The following AUTS2 variants were observed in gnomAD, a reference collection of about 807,000 sequenced individuals.
AUTS2 encodes the protein autism susceptibility gene 2 protein.
In AUTS2, 17 loss-of-function variants were observed where a neutral mutation model predicts 112.4. The observed-to-expected ratio is 0.15, with a 90% confidence interval of 0.10 to 0.23. The LOEUF (loss-of-function observed/expected upper bound fraction) is 0.23. Ranked by LOEUF, AUTS2 falls within the 10% of genes least tolerant of loss-of-function variation. The probability of loss-of-function intolerance (pLI) is 1.00; values close to 1 mark genes in which losing one functional copy is unlikely to be tolerated. For synonymous variants in AUTS2, 751 were observed against 702.7 expected, an observed-to-expected ratio of 1.07 and a Z score of -1.09; for missense variants, 1,510 against 1,701.6, an observed-to-expected ratio of 0.89 and a Z score of 1.98.
chr7:69,689,341 TA>T, intron 1 of AUTS2, among the ~76,000 whole-genome samples: 4 of 144,786 alleles, frequency 2.8e-5, no homozygotes, highest in South Asian at 2.2e-4. Context: ...ATTAATTAAT[TA>T]ATTTTTTTTT....
chr7:70,254,932 T>C (rs923561474), intron 4 of AUTS2, among the ~76,000 whole-genome samples: 19 of 152,138 alleles, frequency 1.2e-4, no homozygotes, highest in African/African-American at 4.3e-4. Flanking sequence ...TCTTGACCCT[T>C]TCCCTTCTAA....
chr7:69,658,345 A>G (rs1173134184), intron 1 of AUTS2, among the ~76,000 whole-genome samples: 2 of 152,230 alleles, frequency 1.3e-5, no homozygotes, highest in Non-Finnish European at 2.9e-5. Context: ...GAGTTTACAA[A>G]TAGAGTTATT....
chr7:69,687,853 T>C (rs1328715765), intron 1 of AUTS2, among the ~76,000 whole-genome samples: 1 of 152,212 alleles, frequency 6.6e-6, no homozygotes, highest in Non-Finnish European at 1.5e-5. Flanking sequence ...TTTGCTTTGC[T>C]TTTCCTATCA....
At chr7:69,876,389 TATA>T (rs1793780435) in intron 1 of AUTS2, among the ~76,000 whole-genome samples, 1 of 117,994 alleles carries the variant, frequency 8.5e-6, no homozygotes, top group African/African-American at 3.2e-5. Context: ...TATATGTATA[TATA>T]ATATGTATTA....
chr7:70,022,584 G>A (rs142521575), intron 2 of AUTS2, among the ~76,000 whole-genome samples: 2,377 of 152,270 alleles, frequency 0.016, 24 homozygotes, highest in Non-Finnish European at 0.027. Context: ...GCCTTCCAGA[G>A]TGCAGGGATT....
chr7:70,297,561 C>T (rs767318879), intron 4 of AUTS2, among the ~76,000 whole-genome samples: 8 of 151,884 alleles, frequency 5.3e-5, no homozygotes, highest in African/African-American at 1.7e-4. Flanking sequence ...TCCCAAGTAG[C>T]TGGGACTACA....
intron 2 of AUTS2, among the ~76,000 whole-genome samples, chr7:70,006,620 A>G (rs1314185359): frequency 1.3e-5 from 2 of 152,112 alleles, no homozygotes; most frequent in Non-Finnish European, 2.9e-5. Context: ...CCACAGACAG[A>G]TGGTAAAAGA....
At position 70,766,256 on chromosome 7, in the gene AUTS2, C is replaced by T. The variant is rs1383001370; in HGVS notation, c.1611C>T (p.His537=). 1 of 1,614,118 alleles carries T rather than the reference C, an allele frequency of 6.2e-7. No individual in the cohort carries two copies. Among genetic ancestry groups the T allele is most frequent in the Non-Finnish European group, 8.5e-7 (1 of 1,180,014 alleles). ...HQHQHQHTHQ[H]THQHTFTPFP... Reference sequence around the variant, plus strand: ...ACCAGCACCAGCACACCCACCAGCACACGCACCAGCACACCTTCACGCCGT... The same window carrying T: ...ACCAGCACCAGCACACCCACCAGCATACGCACCAGCACACCTTCACGCCGT... The change falls in exon 9 of 19, where the codon CAC becomes CAT. Residue 537 remains histidine, a synonymous_variant. Coordinates refer to ENST00000342771, the MANE Select transcript of AUTS2 (RefSeq NM_015570.4). This position sits in a 1 kb window ranked among gnomAD's most constrained non-coding sequence, Gnocchi z 4.8.
intron 6 of AUTS2, among the ~76,000 whole-genome samples, chr7:70,731,660 A>T (rs1432537018): frequency 6.6e-6 from 1 of 151,616 alleles, no homozygotes; most frequent in African/African-American, 2.4e-5. Flanking sequence ...CGATCTCCTG[A>T]CCTTGTGATC....
At chr7:69,679,858 C>G (rs982180217) in intron 1 of AUTS2, among the ~76,000 whole-genome samples, 3 of 152,038 alleles carry the variant, frequency 2.0e-5, no homozygotes, top group Non-Finnish European at 4.4e-5. Flanking sequence ...TGTTGCCTTA[C>G]TTGGTTGAAT....
chr7:70,599,098 T>C (rs551920580), intron 5 of AUTS2, among the ~76,000 whole-genome samples: 2 of 152,224 alleles, frequency 1.3e-5, no homozygotes, highest in Non-Finnish European at 2.9e-5. Context: ...ATAGGCTGTG[T>C]AGTGGGTATC....
In AUTS2 at chr7:70,764,831, C is replaced by T; in HGVS notation, c.1294C>T (p.Pro432Ser). ...ISHHPSASPF[P>S]LSLPNHSPLH... ...CCACCACCCCTCTGCCTCCCCGTTC[C>T]CCCTCTCCCTGCCCAACCACAGCCC... Residue 432 changes from proline (P) to serine (S), a missense_variant, in exon 8 of 19, where the codon CCC (proline) becomes TCC (serine). By Grantham distance (74) the Pro-to-Ser change is moderately conservative. This residue lies in a region of AUTS2 where 535 missense variants were observed against 594.3 expected (regional missense o/e 0.90). Transcript: ENST00000342771. 2 of 1,243,160 alleles carry T rather than the reference C, an allele frequency of 1.6e-6. No homozygotes were observed. Among genetic ancestry groups the T allele is most frequent in the Non-Finnish European group, 2.3e-6 (2 of 866,734 alleles). 77.0% of individuals were successfully genotyped at this position (1,243,160 alleles called of 1,614,324 possible). A position where few individuals can be genotyped will look rare whatever the true frequency, so the allele number is the denominator to read the frequency against.
chr7:70,255,996 G>A (rs1010670008), intron 4 of AUTS2, among the ~76,000 whole-genome samples: 1 of 152,204 alleles, frequency 6.6e-6, no homozygotes, highest in Non-Finnish European at 1.5e-5. Flanking sequence ...ACTAGGGAGT[G>A]AAATCTTATC....
In AUTS2 at chr7:70,471,585, G is replaced by A. The variant is rs547841732; in HGVS notation, c.690+35804G>A. On this transcript the variant is annotated intron_variant, in intron 5 of 18. Transcript: ENST00000342771. ...CCCTATATTAGGCACTATTATAGGC[G>A]CTGGGGATATTAATATCTCTCTCCT... Among the ~76,000 whole-genome samples the A allele has an allele frequency of 1.1e-3, 167 of 152,114 alleles. 1 individual carries two copies. Among genetic ancestry groups the A allele is most frequent in the South Asian group, 1.0e-2 (48 of 4,812 alleles).
At chr7:70,350,559 T>A (rs930584360) in intron 4 of AUTS2, among the ~76,000 whole-genome samples, 2 of 152,072 alleles carry the variant, frequency 1.3e-5, no homozygotes, top group Non-Finnish European at 2.9e-5. Flanking sequence ...TTATTCACTA[T>A]CACGAGAGCA....
intron 4 of AUTS2, among the ~76,000 whole-genome samples, chr7:70,399,798 A>G (rs867405154): frequency 2.6e-5 from 4 of 152,296 alleles, no homozygotes; most frequent in Middle Eastern, 3.4e-3. Context: ...AAAACTTGGG[A>G]TGGATTACAG....
chr7:70,654,609 C>T (rs1160693032), intron 5 of AUTS2, among the ~76,000 whole-genome samples: 1 of 152,118 alleles, frequency 6.6e-6, no homozygotes, highest in Non-Finnish European at 1.5e-5. Context: ...CAAGAATATT[C>T]AGTATATATT....
chr7:69,708,641 G>T (rs1034859251), intron 1 of AUTS2, among the ~76,000 whole-genome samples: 1 of 152,160 alleles, frequency 6.6e-6, no homozygotes, highest in Admixed American at 6.6e-5. Context: ...AAATAAATTA[G>T]GTCAGAGTTA....
At chr7:69,766,163 T>G (rs1788411998) in intron 1 of AUTS2, among the ~76,000 whole-genome samples, 1 of 152,244 alleles carries the variant, frequency 6.6e-6, no homozygotes, top group Non-Finnish European at 1.5e-5. Context: ...TCTATGAATT[T>G]GATTACTCTA....
Sources: allele counts gnomAD v4.1 joint callset (sites outside exome capture counted in the v4.1 genomes callset), GRCh38; gene constraint gnomAD v4.1.1; regional missense constraint gnomAD v4.1.1; non-coding constraint Gnocchi (gnomAD v3.1); transcripts MANE v1.5; gene names NCBI Gene and HGNC (gene_info 2026-07-23, HGNC 2026-07-21).